Variants in SNRNP70 observed in about 807,000 individuals in gnomAD.
The protein encoded by SNRNP70 is U1 small nuclear ribonucleoprotein 70 kDa.
Under a neutral mutation model 50.5 loss-of-function variants are expected in SNRNP70, and 8 were observed. The ratio of observed to expected loss-of-function variants is 0.16; its 90% CI spans 0.09 to 0.29. The LOEUF (loss-of-function observed/expected upper bound fraction) is 0.29, where lower values mean the gene tolerates loss of function less well. Among genes scored for constraint, SNRNP70 ranks in the 10% least tolerant of loss-of-function variants. The pLI is 1.00. For synonymous variants in SNRNP70, 320 were observed against 252.9 expected (o/e 1.27, Z -2.52); for missense variants, 529 against 663.5 (o/e 0.80, Z 2.23).
intron 4 of SNRNP70, chr19:49,090,738 C>G (rs117886162): frequency 3.4e-6 from 2 of 583,374 alleles, no homozygotes; most frequent in African/African-American, 3.7e-5. Context: ...AGGGAGACCC[C>G]TGGTACCTTG....
rs1349327220 is a variant in SNRNP70 at position 49,085,616 on chromosome 19, G to A, written c.-31G>A. On this transcript the variant is annotated 5_prime_UTR_variant, in exon 1 of 10. Transcript: ENST00000598441. ...GCCGCGAGCCTCCGGACAGACGCCAGAGCGAGGAGGGCGCTACGCGGTGAG... is the reference window on the plus strand; with the variant it reads ...GCCGCGAGCCTCCGGACAGACGCCAAAGCGAGGAGGGCGCTACGCGGTGAG... 8.8e-6 allele frequency: 4 copies of A among 456,102 alleles called. No homozygotes were observed. The Admixed American group carries it at 9.4e-5, about 11-fold the overall frequency. 28.3% of individuals were successfully genotyped at this position (456,102 alleles called of 1,614,324 possible). A position where few individuals can be genotyped will look rare whatever the true frequency, so the allele number is the denominator to read the frequency against.
intron 5 of SNRNP70, 66 bp downstream of exon 5, chr19:49,098,557 C>A: frequency 1.3e-6 from 2 of 1,595,852 alleles, no homozygotes; most frequent in South Asian, 2.2e-5. Context: ...GCACAAAGGT[C>A]AAATAGGCTA....
chr19:49,086,432 G>T lies in SNRNP70; in HGVS notation c.18G>T (p.Pro6=), dbSNP rs750389332. 11 of 1,612,958 alleles carry T rather than the reference G, an allele frequency of 6.8e-6. No individual in the cohort carries two copies. The highest frequency in any genetic ancestry group is 9.3e-6 in the Non-Finnish European group (11 of 1,179,498). The change falls in exon 2 of 10, where the codon CCG becomes CCT. Residue 6 remains proline (P), a synonymous_variant. Transcript: ENST00000598441. Reference sequence around the variant, plus strand: ...TTGGCAAGATGACCCAGTTCCTGCCGCCCAACCTTCTGGCCCTCTTTGCCC... The same window carrying T: ...TTGGCAAGATGACCCAGTTCCTGCCTCCCAACCTTCTGGCCCTCTTTGCCC... MTQFL[P]PNLLALFAPR... is the part of the protein sequence containing the mutation.
chr19:49,093,136 C>T (rs531963418), intron 4 of SNRNP70, among the ~76,000 whole-genome samples: 5 of 151,746 alleles, frequency 3.3e-5, no homozygotes, highest in African/African-American at 1.2e-4. Flanking sequence ...GCTGTTATTG[C>T]CCAGGCTGGA....
At chr19:49,085,724 C>T (rs2040368990) in intron 1 of SNRNP70, 88 bp downstream of exon 1, 1 of 443,406 alleles carries the variant, frequency 2.3e-6, no homozygotes, top group South Asian at 1.6e-5. Context: ...TCCCCGCGGC[C>T]AGGCCCCTTT....
At chr19:49,087,559 C>T (rs750451983) in intron 2 of SNRNP70, 5 of 152,116 alleles carry the variant, frequency 3.3e-5, no homozygotes, top group African/African-American at 1.2e-4. Flanking sequence ...TAGCTCTGCA[C>T]CTTTGGGATA....
chr19:49,099,916 C>CTG lies in SNRNP70; in HGVS notation c.393+1226_393+1227dup, dbSNP rs564880870. On this transcript the variant is annotated intron_variant, in intron 6 of 9. Coordinates refer to ENST00000598441, the MANE Select transcript of SNRNP70 (RefSeq NM_003089.6). ...ATTAGCCGAGTGTGGTGTCTCGTGC[C>CTG]TGTGTGTGTGTGTGTATGTGCATGT... Among the ~76,000 whole-genome samples the CTG allele has an allele frequency of 9.0e-3, 1,357 of 150,656 alleles. 13 individuals are homozygous for CTG. The highest frequency in any genetic ancestry group is 0.016 in the East Asian group (83 of 5,156).
In SNRNP70 at chr19:49,090,484, C is replaced by T. The variant is rs1342707234; in HGVS notation, c.229C>T (p.Arg77Trp). 7.4e-6 allele frequency: 12 copies of T among 1,613,964 alleles called. No individual in the cohort carries two copies. Among genetic ancestry groups the T allele is most frequent in the Admixed American group, 1.7e-5 (1 of 59,988 alleles). The change falls in exon 4 of 10, where the codon CGG (arginine) becomes TGG (tryptophan). Residue 77 changes from arginine (R) to tryptophan (W), a missense_variant. By Grantham distance (101) the Arg-to-Trp change is moderately radical. Coordinates refer to ENST00000598441, the MANE Select transcript of SNRNP70 (RefSeq NM_003089.6). ...CTGACAGAGACGGGAAAAGATTGAG[C>T]GGCGACAGCAAGAAGTGGAGACAGA... ...MERKRREKIE[R>W]RQQEVETELK...
Position 49,085,636 on chromosome 19 carries a change from G to T in SNRNP70, c.-11G>T, listed in dbSNP as rs1271760847. ...CGCCAGAGCGAGGAGGGCGCTACGC[G>T]GTGAGTGAGTGTGACTGAGTGGCCC... On this transcript the variant is annotated splice_region_variant and 5_prime_UTR_variant, in exon 1 of 10. Transcript: ENST00000598441. The T allele has an allele frequency of 6.6e-6, 3 of 455,952 alleles. No individual in the cohort carries two copies. The highest frequency in any genetic ancestry group is 3.1e-5 in the South Asian group (2 of 64,562). The allele number at this position is 455,952 out of a possible 1,614,324, so 28.2% of individuals were successfully genotyped here. A position where few individuals can be genotyped will look rare whatever the true frequency, so the allele number is the denominator to read the frequency against.
At chr19:49,092,320 G>GATC (rs2040456993) in intron 4 of SNRNP70, among the ~76,000 whole-genome samples, 1 of 151,718 alleles carries the variant, frequency 6.6e-6, no homozygotes, top group Non-Finnish European at 1.5e-5. Context: ...TGTTGACCAG[G>GATC]ATCGTCTAGA....
chr19:49,098,830 A>G lies in SNRNP70; in HGVS notation c.393+126A>G, dbSNP rs1161931545. The G allele has an allele frequency of 1.0e-5, 8 of 762,978 alleles. No homozygotes were observed. The African/African-American group carries it at 1.4e-4, about 13-fold the overall frequency. The allele number at this position is 762,978 out of a possible 1,614,324, so 47.3% of individuals were successfully genotyped here. On this transcript the variant is annotated intron_variant, in intron 6 of 9. Transcript: ENST00000598441. ...ACCATTTCAGGGCCTGGATTTATGC[A>G]TCCTGACTGTATCTCCATGCAGCAG...
chr19:49,106,075 C>T (rs151207474), intron 8 of SNRNP70, among the ~76,000 whole-genome samples: 1,933 of 152,330 alleles, frequency 0.013, 33 homozygotes, highest in Non-Finnish European at 0.02. Context: ...GGCTCCTGTC[C>T]TGCCTCCCAG....
intron 6 of SNRNP70, among the ~76,000 whole-genome samples, chr19:49,100,718 A>AT (rs1259086795): frequency 6.6e-6 from 1 of 151,586 alleles, no homozygotes; most frequent in Non-Finnish European, 1.5e-5. Flanking sequence ...AGGCAGGAGA[A>AT]TCGCTTGAAC....
intron 8 of SNRNP70, among the ~76,000 whole-genome samples, chr19:49,106,934 G>A (rs1347985882): frequency 1.3e-5 from 2 of 152,192 alleles, no homozygotes; most frequent in Admixed American, 1.3e-4. Context: ...GGTCGACTCA[G>A]GTAGCAAACC....
At chr19:49,097,943 C>T (rs2040533470) in intron 4 of SNRNP70, among the ~76,000 whole-genome samples, 1 of 152,198 alleles carries the variant, frequency 6.6e-6, no homozygotes, top group African/African-American at 2.4e-5. Context: ...AGCCTTGGGG[C>T]AGCTTGGTCT....
intron 4 of SNRNP70, among the ~76,000 whole-genome samples, chr19:49,092,172 A>G (rs1310219169): frequency 6.7e-6 from 1 of 149,856 alleles, no homozygotes; most frequent in East Asian, 2.0e-4. Flanking sequence ...GCAGTGGTGC[A>G]ATCTTGGCTC....
chr19:49,102,927 C>A (rs2040608738), intron 7 of SNRNP70: 1 of 152,650 alleles, frequency 6.6e-6, no homozygotes, highest in Admixed American at 6.5e-5. Context: ...GACTCTGAAC[C>A]CGAGCGGGGT....
chr19:49,089,905 C>G (rs996116397), intron 2 of SNRNP70, among the ~76,000 whole-genome samples: 1 of 151,852 alleles, frequency 6.6e-6, no homozygotes, highest in Non-Finnish European at 1.5e-5. Flanking sequence ...CCTCATGATC[C>G]GCCTGCCTCG....
At position 49,104,400 on chromosome 19, in the gene SNRNP70, C is replaced by T. The variant is rs546622428; in HGVS notation, c.476-234C>T. ...GGGTGGCGGGTGAGGGTGGACGTCT[C>T]CCCCGACCAGGAGTGGTTGGGGCGC... On this transcript the variant is annotated intron_variant, in intron 7 of 9. Coordinates refer to ENST00000598441, the MANE Select transcript of SNRNP70 (RefSeq NM_003089.6). The surrounding 1 kb of genome is among the most constrained non-coding windows in gnomAD (Gnocchi z 5.4). The T allele has an allele frequency of 3.3e-5, 17 of 508,306 alleles. 1 individual carries two copies. Among genetic ancestry groups the T allele is most frequent in the African/African-American group, 2.2e-4 (11 of 50,620 alleles). The allele number at this position is 508,306 out of a possible 1,614,324, so 31.5% of individuals were successfully genotyped here. A position where few individuals can be genotyped will look rare whatever the true frequency, so the allele number is the denominator to read the frequency against.
Sources: gnomAD v4.1 joint callset for allele counts (sites outside exome capture counted in the v4.1 genomes callset) on GRCh38, gnomAD v4.1.1 for gene constraint, Gnocchi (gnomAD v3.1) non-coding constraint, MANE v1.5 for transcripts, NCBI Gene and HGNC (gene_info 2026-07-23, HGNC 2026-07-21) for gene names.